The following SPPL3 variants were observed in gnomAD, a reference collection of about 807,000 sequenced individuals.
The protein encoded by SPPL3 is signal peptide peptidase like 3, also known as signal peptide peptidase-like 3.
A neutral mutation model predicts 42.4 loss-of-function variants in SPPL3; 5 were observed. That is an observed-to-expected ratio of 0.12 (90% confidence interval 0.06 to 0.25). SPPL3 has a LOEUF of 0.25. SPPL3 is among the 10% of genes least tolerant of loss of function. The pLI, the probability that SPPL3 is intolerant of heterozygous loss-of-function variation, is 1.00. For missense variants in SPPL3, 235 were observed against 489.0 expected, an observed-to-expected ratio of 0.48 and a Z score of 4.90; for synonymous variants, 195 against 181.8, an observed-to-expected ratio of 1.07 and a Z score of -0.58.
At chr12:120,802,390 C>CATAT (rs1566046014) in intron 2 of SPPL3, among the ~76,000 whole-genome samples, 173 of 133,310 alleles carry the variant, frequency 1.3e-3, no homozygotes, top group African/African-American at 4.8e-3. Flanking sequence ...TATATATATA[C>CATAT]ACATATATGT....
intron 1 of SPPL3, among the ~76,000 whole-genome samples, chr12:120,833,297 G>A (rs1659867612): frequency 6.6e-6 from 1 of 152,148 alleles, no homozygotes; most frequent in African/African-American, 2.4e-5. Context: ...TACCAGAAAG[G>A]GAACAGAGGA....
intron 1 of SPPL3, among the ~76,000 whole-genome samples, chr12:120,893,500 C>T (rs990674902): frequency 1.3e-5 from 2 of 152,126 alleles, no homozygotes; most frequent in African/African-American, 4.8e-5. Flanking sequence ...CATTCTCTTT[C>T]CTCAAGTCTT....
chr12:120,805,528 G>A (rs1870459182), intron 2 of SPPL3, among the ~76,000 whole-genome samples: 1 of 152,164 alleles, frequency 6.6e-6, no homozygotes, highest in Admixed American at 6.6e-5. Flanking sequence ...GAGAAAAAGG[G>A]AAAAAGACAA....
Position 120,763,263 on chromosome 12 carries a change from C to T in SPPL3, c.*1736G>A, listed in dbSNP as rs1467650224. ...GGAGTCATTTATTAAAAACAAAACCCCAGAAACCCCTCAGCAGGAATTGAT... is the reference window on the plus strand; with the variant it reads ...GGAGTCATTTATTAAAAACAAAACCTCAGAAACCCCTCAGCAGGAATTGAT... On this transcript the variant is annotated 3_prime_UTR_variant, in exon 11 of 11. Coordinates refer to ENST00000353487, the MANE Select transcript of SPPL3 (RefSeq NM_139015.5). 6.6e-6 allele frequency: 1 copy of T among 152,420 alleles called. No individual in the cohort carries two copies. The highest frequency in any genetic ancestry group is 1.9e-4 in the East Asian group (1 of 5,200). The allele number at this position is 152,420 out of a possible 1,614,324, so 9.4% of individuals were successfully genotyped here. A position where few individuals can be genotyped will look rare whatever the true frequency, so the allele number is the denominator to read the frequency against.
At chr12:120,863,031 G>A (rs1872655598) in intron 1 of SPPL3, among the ~76,000 whole-genome samples, 1 of 152,118 alleles carries the variant, frequency 6.6e-6, no homozygotes, top group African/African-American at 2.4e-5. Flanking sequence ...AGGAACCTGG[G>A]ATAAAGACCA....
In SPPL3 at chr12:120,810,789, C is replaced by T. The variant is rs1870658150; in HGVS notation, c.101+20G>A. The T allele has an allele frequency of 6.3e-7, 1 of 1,579,008 alleles. No homozygotes were observed. The highest frequency in any genetic ancestry group is 1.4e-5 in the African/African-American group (1 of 73,962). ...TCTTCCACCTCCAACTTGTATCAAC[C>T]CCATTTGAGAATATCTTACCTGAAA... On this transcript the variant is annotated intron_variant, in intron 2 of 10. Coordinates refer to ENST00000353487, the MANE Select transcript of SPPL3 (RefSeq NM_139015.5).
intron 6 of SPPL3, among the ~76,000 whole-genome samples, chr12:120,781,074 C>T (rs1160143467): frequency 6.6e-6 from 1 of 152,146 alleles, no homozygotes; most frequent in Non-Finnish European, 1.5e-5. Flanking sequence ...TGGAAACAAA[C>T]AGCAGTACCT....
At chr12:120,850,165 T>G (rs978086051) in intron 1 of SPPL3, among the ~76,000 whole-genome samples, 1 of 152,130 alleles carries the variant, frequency 6.6e-6, no homozygotes, top group Non-Finnish European at 1.5e-5. Context: ...TGGTAAAAGG[T>G]AACTCTAGGG....
chr12:120,786,999 AT>A (rs1250114232), intron 3 of SPPL3, among the ~76,000 whole-genome samples: 2 of 152,196 alleles, frequency 1.3e-5, no homozygotes, highest in Non-Finnish European at 2.9e-5. Context: ...CAGCAACATC[AT>A]TTTTAACATT....
At chr12:120,853,470 A>G (rs1411382756) in intron 1 of SPPL3, among the ~76,000 whole-genome samples, 2 of 152,230 alleles carry the variant, frequency 1.3e-5, no homozygotes, top group Non-Finnish European at 2.9e-5. Flanking sequence ...CTAAAAATGT[A>G]CACAATAGTA....
Position 120,903,872 on chromosome 12 carries a change from C to T in SPPL3, c.-5G>A, listed in dbSNP as rs1424943809. On this transcript the variant is annotated 5_prime_UTR_variant, in exon 1 of 11. Transcript: ENST00000353487. ...CGAGTAGGTCTGCTCCGCCATGGCG[C>T]TGCCTCTCGTGGGCTCCGCTGCAGG... 1.4e-6 allele frequency: 2 copies of T among 1,446,556 alleles called. No individual in the cohort carries two copies. The highest frequency in any genetic ancestry group is 5.1e-5 in the Admixed American group (2 of 39,560). 89.6% of individuals were successfully genotyped at this position (1,446,556 alleles called of 1,614,324 possible).
At chr12:120,769,588 T>C (rs778768530) in intron 6 of SPPL3, 1 of 153,942 alleles carries the variant, frequency 6.5e-6, no homozygotes, top group Non-Finnish European at 1.4e-5. Flanking sequence ...TCTCGCTGTA[T>C]CACCCAGGCT....
intron 1 of SPPL3, among the ~76,000 whole-genome samples, chr12:120,863,595 T>G (rs1167207024): frequency 1.3e-5 from 2 of 152,214 alleles, no homozygotes; most frequent in East Asian, 3.9e-4. Flanking sequence ...TTTAAGAGCC[T>G]TTCAGGTAAT....
Position 120,763,760 on chromosome 12 carries a change from C to T in SPPL3, c.*1239G>A, listed in dbSNP as rs1210409931. On this transcript the variant is annotated 3_prime_UTR_variant, in exon 11 of 11. Coordinates refer to ENST00000353487, the MANE Select transcript of SPPL3 (RefSeq NM_139015.5). ...ACACCCGGTTGTCACCACAGGTAAA[C>T]CAAGACTATAATCACAACAGCAAGG... 6.6e-6 allele frequency: 1 copy of T among 152,014 alleles called. No homozygotes were observed. The highest frequency in any genetic ancestry group is 2.4e-5 in the African/African-American group (1 of 40,930). The allele number at this position is 152,014 out of a possible 1,614,324, so 9.4% of individuals were successfully genotyped here.
chr12:120,768,558 T>G, intron 7 of SPPL3, 70 bp from the exon 8 acceptor site: 1 of 1,510,542 alleles, frequency 6.6e-7, no homozygotes. Flanking sequence ...CAGCCCTCCT[T>G]GCTCTTAAGA....
intron 1 of SPPL3, among the ~76,000 whole-genome samples, chr12:120,887,373 C>T (rs768956404): frequency 3.0e-4 from 45 of 152,186 alleles, no homozygotes; most frequent in Non-Finnish European, 5.1e-4. Context: ...TATTTTACAA[C>T]TAACTCCTCC....
intron 3 of SPPL3, among the ~76,000 whole-genome samples, chr12:120,790,463 G>C (rs780692505): frequency 2.0e-5 from 3 of 152,170 alleles, no homozygotes; most frequent in Non-Finnish European, 4.4e-5. Context: ...CTTTTAATTA[G>C]ATCTCTAGCA....
At chr12:120,859,282 T>A (rs140300422) in intron 1 of SPPL3, among the ~76,000 whole-genome samples, 1,754 of 152,260 alleles carry the variant, frequency 0.012, 29 homozygotes, top group African/African-American at 0.037. Context: ...CCTTTCAGCA[T>A]CATGTTGGAG....
chr12:120,808,195 GCTCAAACATTCCTCCCAGC>G (rs1870568652), intron 2 of SPPL3, among the ~76,000 whole-genome samples: 3 of 151,560 alleles, frequency 2.0e-5, no homozygotes, highest in Admixed American at 1.3e-4. Flanking sequence ...CGCCTCCTGG[GCTCAAACATTCCTCCCAGC>G]CTCCCAGGTA....
Sources: allele counts gnomAD v4.1 joint callset (sites outside exome capture counted in the v4.1 genomes callset), GRCh38; gene constraint gnomAD v4.1.1; transcripts MANE v1.5; gene names NCBI Gene and HGNC (gene_info 2026-07-23, HGNC 2026-07-21).